BAZ1B: variants seen among roughly 807,000 people sequenced by gnomAD.
The protein encoded by BAZ1B is bromodomain adjacent to zinc finger domain 1B.
In BAZ1B, 22 loss-of-function variants were observed where a neutral mutation model predicts 153.8. That is an observed-to-expected ratio of 0.14 (90% CI 0.10 to 0.20). The LOEUF (loss-of-function observed/expected upper bound fraction) is 0.20. Ranked by LOEUF, BAZ1B falls within the 10% of genes least tolerant of loss-of-function variation. The pLI, the probability that BAZ1B is intolerant of heterozygous loss-of-function variation, is 1.00. For missense variants in BAZ1B, 1,325 were observed against 1,799.3 expected, an observed-to-expected ratio of 0.74 and a Z score of 4.77; for synonymous variants, 676 against 633.4, an observed-to-expected ratio of 1.07 and a Z score of -1.01.
chr7:73,516,965 T>C (rs782269351), intron 1 of BAZ1B, among the ~76,000 whole-genome samples: 16 of 148,822 alleles, frequency 1.1e-4, no homozygotes, highest in Non-Finnish European at 1.9e-4. Flanking sequence ...TGGATCAACT[T>C]GAGGTCAGGA....
intron 6 of BAZ1B, among the ~76,000 whole-genome samples, chr7:73,482,986 T>A (rs1280210882): frequency 3.3e-5 from 5 of 152,168 alleles, no homozygotes; most frequent in African/African-American, 1.2e-4. Flanking sequence ...AAACCACTTA[T>A]GTGCTAACAG....
intron 1 of BAZ1B, among the ~76,000 whole-genome samples, chr7:73,516,772 C>CAAAAAA (rs71517390): frequency 5.6e-5 from 3 of 53,452 alleles, no homozygotes; most frequent in African/African-American, 8.2e-5. Context: ...GTGACTGTCT[C>CAAAAAA]AAAAAAAAAA....
At chr7:73,442,576 G>T (rs369758868) in intron 18 of BAZ1B, 23 bp from the exon 19 acceptor site, 1 of 1,595,768 alleles carries the variant, frequency 6.3e-7, no homozygotes, top group African/African-American at 1.3e-5. Flanking sequence ...ACCAAATGGA[G>T]AATCTGCACA....
At chr7:73,478,812 TTC>T (rs1554573303) in intron 6 of BAZ1B, among the ~76,000 whole-genome samples, 1 of 152,196 alleles carries the variant, frequency 6.6e-6, no homozygotes, top group Non-Finnish European at 1.5e-5. Flanking sequence ...ATGTAACTAG[TTC>T]TGTTTATGTA....
rs542373936 is a variant in BAZ1B, at chr7:73,450,111, G to A, written c.3581-422C>T. Among the ~76,000 whole-genome samples the A allele has an allele frequency of 5.3e-5, 8 of 151,474 alleles. No homozygotes were observed. Among genetic ancestry groups the A allele is most frequent in the Non-Finnish European group, 1.5e-5 (1 of 67,864 alleles). Reference sequence around the variant, plus strand: ...CACCCAGGCTGGAGTGCAGTGGCGCGATCTCGGCTCACTGCAACCTCCGCC... The same window carrying A: ...CACCCAGGCTGGAGTGCAGTGGCGCAATCTCGGCTCACTGCAACCTCCGCC... On this transcript the variant is annotated intron_variant, in intron 14 of 19. Coordinates refer to ENST00000339594, the MANE Select transcript of BAZ1B (RefSeq NM_032408.4). The surrounding 1 kb of genome is among the most constrained non-coding windows in gnomAD (Gnocchi z 4.1).
chr7:73,457,926 C>T (rs552132673), intron 13 of BAZ1B, among the ~76,000 whole-genome samples: 21 of 152,298 alleles, frequency 1.4e-4, no homozygotes, highest in African/African-American at 3.6e-4. Context: ...ACCCCTGCTC[C>T]GCCACCTTCC....
At chr7:73,442,661 T>C in intron 18 of BAZ1B, 64 bp downstream of exon 18, 1 of 1,565,906 alleles carries the variant, frequency 6.4e-7, no homozygotes. Flanking sequence ...CCTCAGGGGC[T>C]CTGGAAGCTT....
chr7:73,449,154 T>C (rs976543422), intron 15 of BAZ1B, among the ~76,000 whole-genome samples: 1 of 152,198 alleles, frequency 6.6e-6, no homozygotes, highest in Non-Finnish European at 1.5e-5. Flanking sequence ...GTTCTACTCA[T>C]GATAGGGAAG....
At position 73,442,566 on chromosome 7, in the gene BAZ1B, A is replaced by T; in HGVS notation, c.4095-13T>A. ...GGTCACAGGCTCCCTGTGGAGAAGA[A>T]CCAAATGGAGAATCTGCACAGCCTT... On this transcript the variant is annotated splice_polypyrimidine_tract_variant and intron_variant, in intron 18 of 19. Transcript: ENST00000339594. 6.2e-7 allele frequency: 1 copy of T among 1,600,424 alleles called. No individual in the cohort carries two copies. Among genetic ancestry groups the T allele is most frequent in the Non-Finnish European group, 8.5e-7 (1 of 1,171,598 alleles).
At chr7:73,483,768 A>T (rs1266761608) in intron 6 of BAZ1B, among the ~76,000 whole-genome samples, 3 of 151,976 alleles carry the variant, frequency 2.0e-5, no homozygotes, top group Non-Finnish European at 4.4e-5. Context: ...CCATCTCCAA[A>T]GTAGCTTGGA....
At chr7:73,476,272 T>C (rs1554572750) in intron 7 of BAZ1B, among the ~76,000 whole-genome samples, 1 of 152,178 alleles carries the variant, frequency 6.6e-6, no homozygotes, top group East Asian at 1.9e-4. Context: ...AAACACTAAA[T>C]TATACACAAT....
chr7:73,441,978 T>G, intron 19 of BAZ1B: 1 of 558,678 alleles, frequency 1.8e-6, no homozygotes, highest in Non-Finnish European at 3.2e-6. Flanking sequence ...GAAGGGAGGG[T>G]TATGGCCCTC....
intron 6 of BAZ1B, among the ~76,000 whole-genome samples, chr7:73,482,399 A>G (rs762320016): frequency 1.1e-3 from 167 of 152,230 alleles, no homozygotes; most frequent in Admixed American, 1.8e-3. Flanking sequence ...CAAAAAGTTA[A>G]CAACCTTCTT....
In BAZ1B at chr7:73,477,406, C is replaced by A; in HGVS notation, c.2055G>T (p.Leu685=). ...GCCGCACCAGCTCTGAAACAGAATG[C>A]AGAGTCAAGGGGATTTCCGACAGCT... ...GMKLSEIPLT[L]HSVSELVRLC... The change falls in exon 7 of 20, where the codon CTG becomes CTT. Residue 685 remains leucine, a synonymous_variant. Coordinates refer to ENST00000339594, the MANE Select transcript of BAZ1B (RefSeq NM_032408.4). This position sits in a 1 kb window ranked among gnomAD's most constrained non-coding sequence, Gnocchi z 5.6. 1 of 1,614,262 alleles carries A rather than the reference C, an allele frequency of 6.2e-7. No individual in the cohort carries two copies. Among genetic ancestry groups the A allele is most frequent in the Non-Finnish European group, 8.5e-7 (1 of 1,180,050 alleles).
intron 1 of BAZ1B, among the ~76,000 whole-genome samples, chr7:73,513,491 C>G (rs782748603): frequency 2.0e-5 from 3 of 152,020 alleles, no homozygotes; most frequent in Non-Finnish European, 2.9e-5. Context: ...GAGTAAAAAC[C>G]TGAGTCAGAC....
At chr7:73,446,688 C>T (rs781816998) in intron 16 of BAZ1B, among the ~76,000 whole-genome samples, 3 of 152,062 alleles carry the variant, frequency 2.0e-5, no homozygotes, top group Non-Finnish European at 4.4e-5. Flanking sequence ...AGAGTCAATG[C>T]GGTGAACACA....
At chr7:73,487,746 TCAA>T (rs1554574652) in intron 6 of BAZ1B, among the ~76,000 whole-genome samples, 1 of 152,110 alleles carries the variant, frequency 6.6e-6, no homozygotes, top group African/African-American at 2.4e-5. Flanking sequence ...AAATTTCTCC[TCAA>T]CAAACAAAAA....
At chr7:73,484,961 T>C (rs553008451) in intron 6 of BAZ1B, among the ~76,000 whole-genome samples, 1 of 152,300 alleles carries the variant, frequency 6.6e-6, no homozygotes, top group East Asian at 1.9e-4. Context: ...CAAAACAAAA[T>C]TGTTTTTTTG....
intron 9 of BAZ1B, 87 bp downstream of exon 9, chr7:73,469,430 G>A: frequency 6.6e-7 from 1 of 1,508,890 alleles, no homozygotes; most frequent in Non-Finnish European, 9.1e-7. Flanking sequence ...TTCTGCAAAT[G>A]GAAAACGTGA....
Sources: gnomAD v4.1 joint callset for allele counts (sites outside exome capture counted in the v4.1 genomes callset) on GRCh38, gnomAD v4.1.1 for gene constraint, Gnocchi (gnomAD v3.1) non-coding constraint, MANE v1.5 for transcripts, NCBI Gene and HGNC (gene_info 2026-07-23, HGNC 2026-07-21) for gene names.